The following TNFRSF9 variants were observed in gnomAD, a reference collection of about 807,000 sequenced individuals.
TNFRSF9 encodes TNF receptor superfamily member 9.
A neutral mutation model predicts 28.8 loss-of-function variants in TNFRSF9; 16 were observed. That is an observed-to-expected ratio of 0.55 (90% CI 0.38 to 0.84). The LOEUF (loss-of-function observed/expected upper bound fraction) is 0.84, where lower values mean the gene tolerates loss of function less well. Ranked by LOEUF, TNFRSF9 falls within the 40% of genes least tolerant of loss-of-function variation. The pLI is 0.00. For missense variants in TNFRSF9, 303 were observed against 315.0 expected (o/e 0.96, Z 0.29); for synonymous variants, 131 against 117.0 (o/e 1.12, Z -0.77).
At position 7,939,901 on chromosome 1, in the gene TNFRSF9, G is replaced by A. The variant is rs763290442; in HGVS notation, c.94C>T (p.Pro32Ser). Reference protein sequence around the residue: ...RSLQDPCSNCPAGTFCDNNRN... With the variant: ...RSLQDPCSNCSAGTFCDNNRN... ...ATGATAACTGGGTACTCACCAGCTGGGCAGTTACTACAAGGATCCTGCAAT... is the reference window on the plus strand; with the variant it reads ...ATGATAACTGGGTACTCACCAGCTGAGCAGTTACTACAAGGATCCTGCAAT... Residue 32 changes from proline (P) to serine (S), a missense_variant, in exon 2 of 8, where the codon CCA (proline) becomes TCA (serine). Pro to Ser is a moderately conservative substitution (Grantham distance 74). Coordinates refer to ENST00000377507, the MANE Select transcript of TNFRSF9 (RefSeq NM_001561.6). 7 of 1,593,924 alleles carry A rather than the reference G, an allele frequency of 4.4e-6. No individual in the cohort carries two copies. Among genetic ancestry groups the A allele is most frequent in the South Asian group, 3.4e-5 (3 of 89,432 alleles).
chr1:7,923,113 G>A (rs916332588), intron 7 of TNFRSF9, among the ~76,000 whole-genome samples: 1 of 152,120 alleles, frequency 6.6e-6, no homozygotes, highest in South Asian at 2.1e-4. Flanking sequence ...ATATTGGCCA[G>A]GCTGGTCTCA....
intron 7 of TNFRSF9, among the ~76,000 whole-genome samples, chr1:7,923,461 C>A (rs1003285054): frequency 5.3e-5 from 8 of 152,272 alleles, no homozygotes; most frequent in African/African-American, 1.7e-4. Flanking sequence ...CTTCCTCCAC[C>A]CCTGCCTGGC....
Position 7,939,949 on chromosome 1 carries a change from G to T in TNFRSF9, c.46C>A (p.Leu16Ile). Reference sequence around the variant, plus strand: ...AATGATCTTGTCCTCTCAAAGTTGAGGACCAGCAACAGAGTGGCTACTATG... The same window carrying T: ...AATGATCTTGTCCTCTCAAAGTTGATGACCAGCAACAGAGTGGCTACTATG... ...YNIVATLLLVLNFERTRSLQD... is the reference protein window; with the variant it reads ...YNIVATLLLVINFERTRSLQD... The change falls in exon 2 of 8, where the codon CTC becomes ATC. Residue 16 changes from leucine (L) to isoleucine (I), a missense_variant. Coordinates refer to ENST00000377507, the MANE Select transcript of TNFRSF9 (RefSeq NM_001561.6). 1.9e-6 allele frequency: 3 copies of T among 1,606,204 alleles called. No homozygotes were observed. Among genetic ancestry groups the T allele is most frequent in the Non-Finnish European group, 2.6e-6 (3 of 1,173,558 alleles).
In TNFRSF9 at chr1:7,918,304, A is replaced by G. The variant is rs1013179920; in HGVS notation, c.*2531T>C. Reference sequence around the variant, plus strand: ...CCTGGCCACAAAGAAGATATTTTTTAACACATATAACTGACCAAAGATTAT... The same window carrying G: ...CCTGGCCACAAAGAAGATATTTTTTGACACATATAACTGACCAAAGATTAT... On this transcript the variant is annotated 3_prime_UTR_variant, in exon 8 of 8. Coordinates refer to ENST00000377507, the MANE Select transcript of TNFRSF9 (RefSeq NM_001561.6). The G allele has an allele frequency of 1.3e-5, 2 of 152,106 alleles. No homozygotes were observed. The highest frequency in any genetic ancestry group is 4.8e-5 in the African/African-American group (2 of 41,430). 9.4% of individuals were successfully genotyped at this position (152,106 alleles called of 1,614,324 possible).
Position 7,935,035 on chromosome 1 carries a change from C to T in TNFRSF9, c.522G>A (p.Pro174=), listed in dbSNP as rs770976275. Residue 174 remains proline (P), a synonymous_variant, in exon 6 of 8, where the codon CCG becomes CCA. Transcript: ENST00000377507. ...TACCTGGCTCTCTCGCAGGGGCAGGCGGGGTCACAGAGGATGCTCCCGGAG... is the reference window on the plus strand; with the variant it reads ...TACCTGGCTCTCTCGCAGGGGCAGGTGGGGTCACAGAGGATGCTCCCGGAG... ...DLSPGASSVT[P]PAPAREPGHS... 5 of 1,614,100 alleles carry T rather than the reference C, an allele frequency of 3.1e-6. No individual in the cohort carries two copies. Among genetic ancestry groups the T allele is most frequent in the East Asian group, 2.2e-5 (1 of 44,894 alleles).
intron 3 of TNFRSF9, 89 bp downstream of exon 3, chr1:7,938,632 T>C (rs1331898394): frequency 1.7e-6 from 2 of 1,154,836 alleles, no homozygotes; most frequent in Non-Finnish European, 2.5e-6. Context: ...ACACTTGAGA[T>C]TTTCAAAAGA....
chr1:7,926,226 T>G (rs1024106273), intron 7 of TNFRSF9, among the ~76,000 whole-genome samples: 2 of 152,174 alleles, frequency 1.3e-5, no homozygotes, highest in Non-Finnish European at 2.9e-5. Flanking sequence ...TCACGGTACC[T>G]CTTCTATGTT....
chr1:7,925,842 C>T (rs1033522370), intron 7 of TNFRSF9, among the ~76,000 whole-genome samples: 3 of 152,130 alleles, frequency 2.0e-5, no homozygotes, highest in Non-Finnish European at 4.4e-5. Flanking sequence ...TAATGCAAGT[C>T]ATGGGGAGGG....
In TNFRSF9 at chr1:7,932,658, C is replaced by T. The variant is rs906907267; in HGVS notation, c.679+504G>A. Among the ~76,000 whole-genome samples the T allele has an allele frequency of 3.3e-5, 5 of 151,626 alleles. No homozygotes were observed. In the South Asian group the frequency reaches 6.2e-4, roughly 19 times the overall value. ...TTCTTCTTTGCCAGTGTCCTCCACA[C>T]GCACACACACACATACACACACGCA... On this transcript the variant is annotated intron_variant, in intron 7 of 7. Coordinates refer to ENST00000377507, the MANE Select transcript of TNFRSF9 (RefSeq NM_001561.6).
At chr1:7,940,524 T>C (rs745348075) in intron 1 of TNFRSF9, among the ~76,000 whole-genome samples, 4 of 152,310 alleles carry the variant, frequency 2.6e-5, no homozygotes, top group Non-Finnish European at 4.4e-5. Context: ...ACCTAACTAC[T>C]AACATGTGGA....
intron 7 of TNFRSF9, among the ~76,000 whole-genome samples, chr1:7,931,711 T>A (rs1029370397): frequency 2.6e-5 from 4 of 152,262 alleles, no homozygotes; most frequent in Non-Finnish European, 4.4e-5. Flanking sequence ...TTCTTTACCC[T>A]GGTAGAGTTA....
intron 3 of TNFRSF9, 77 bp from the exon 4 acceptor site, chr1:7,938,407 T>G: frequency 7.1e-7 from 1 of 1,407,490 alleles, no homozygotes; most frequent in Non-Finnish European, 9.5e-7. Context: ...TGCTCTGCAG[T>G]AAAAATCATG....
chr1:7,937,662 T>C, intron 5 of TNFRSF9, 28 bp downstream of exon 5: 1 of 1,593,860 alleles, frequency 6.3e-7, no homozygotes, highest in Non-Finnish European at 8.6e-7. Context: ...GATTCTTTAT[T>C]CCATAAACTA....
chr1:7,934,072 C>T (rs1317605906), intron 6 of TNFRSF9, among the ~76,000 whole-genome samples: 5 of 151,968 alleles, frequency 3.3e-5, no homozygotes, highest in African/African-American at 4.8e-5. Flanking sequence ...CTTTCTAGCA[C>T]ATAGAAAATA....
At chr1:7,925,941 C>T (rs1211899216) in intron 7 of TNFRSF9, among the ~76,000 whole-genome samples, 1 of 152,190 alleles carries the variant, frequency 6.6e-6, no homozygotes, top group African/African-American at 2.4e-5. Context: ...CACTCTGTTG[C>T]CCAGCCAGGA....
chr1:7,924,232 CTA>C (rs1189507480), intron 7 of TNFRSF9, among the ~76,000 whole-genome samples: 2 of 147,876 alleles, frequency 1.4e-5, no homozygotes, highest in African/African-American at 5.1e-5. Flanking sequence ...CAATAAATGA[CTA>C]TGTTAGTAGT....
chr1:7,929,077 G>A (rs542901565), intron 7 of TNFRSF9, among the ~76,000 whole-genome samples: 4 of 151,772 alleles, frequency 2.6e-5, no homozygotes, highest in East Asian at 1.9e-4. Context: ...TACTTCTGCC[G>A]GTATTGATCT....
intron 7 of TNFRSF9, among the ~76,000 whole-genome samples, chr1:7,928,614 G>A (rs906206687): frequency 2.6e-5 from 4 of 152,088 alleles, no homozygotes; most frequent in Admixed American, 6.5e-5. Flanking sequence ...CAAATGGGCC[G>A]GGCATGGTGG....
intron 6 of TNFRSF9, among the ~76,000 whole-genome samples, chr1:7,934,658 G>A (rs1311088320): frequency 6.8e-6 from 1 of 146,208 alleles, no homozygotes; most frequent in Non-Finnish European, 1.5e-5. Context: ...GCAGTGAGCT[G>A]AGACTGCACC....
Sources: gnomAD v4.1 joint callset for allele counts (sites outside exome capture counted in the v4.1 genomes callset) on GRCh38, gnomAD v4.1.1 for gene constraint, MANE v1.5 for transcripts, NCBI Gene and HGNC (gene_info 2026-07-23, HGNC 2026-07-21) for gene names.